Variants in MVB12B observed in about 807,000 individuals in gnomAD.
MVB12B encodes the protein ESCRT-I complex subunit MVB12B.
In MVB12B, 16 loss-of-function variants were observed where a neutral mutation model predicts 41.6. The observed-to-expected ratio is 0.38, with a 90% CI of 0.26 to 0.58. MVB12B has a LOEUF of 0.58. MVB12B is among the 20% of genes least tolerant of loss of function. The pLI is 0.62. For synonymous variants in MVB12B, 133 were observed against 139.7 expected (o/e 0.95, Z 0.34); for missense variants, 274 against 380.2 (o/e 0.72, Z 2.32).
rs138999709 is a variant in MVB12B, at chr9:126,392,124, G to A, written c.468G>A (p.Thr156=). 131 of 1,614,198 alleles carry A rather than the reference G, an allele frequency of 8.1e-5. No homozygotes were observed. The African/African-American group carries it at 1.5e-3, about 18-fold the overall frequency. ...LCIKFIPRDS[T]EAAICDIRIM... is the part of the protein sequence containing the mutation. ...TTAAATTTATTCCACGGGATTCAAC[G>A]GAAGCTGCGATTTGTGACATTCGGA... The change falls in exon 5 of 10, where the codon ACG becomes ACA. Residue 156 remains threonine (T), a synonymous_variant. Transcript: ENST00000361171. This position sits in a 1 kb window ranked among gnomAD's most constrained non-coding sequence, Gnocchi z 4.8.
chr9:126,383,943 G>T (rs1830702005), intron 3 of MVB12B, among the ~76,000 whole-genome samples: 1 of 151,616 alleles, frequency 6.6e-6, no homozygotes, highest in African/African-American at 2.4e-5. Flanking sequence ...TCACTAAGTG[G>T]TTTGCAGTTG....
rs547223890 is a variant in MVB12B at position 126,399,714 on chromosome 9, C to T, written c.662+4017C>T. Among the ~76,000 whole-genome samples the T allele has an allele frequency of 5.3e-5, 8 of 152,270 alleles. No individual in the cohort carries two copies. The South Asian group carries it at 1.5e-3, about 28-fold the overall frequency. On this transcript the variant is annotated intron_variant, in intron 6 of 9. Transcript: ENST00000361171. ...GTGTGATAAGGGAATGGCTCTGTGT[C>T]GACCCAGGAGGAGTCCCCTGGTGGG...
At chr9:126,415,612 G>C (rs1831795320) in intron 6 of MVB12B, among the ~76,000 whole-genome samples, 1 of 152,200 alleles carries the variant, frequency 6.6e-6, no homozygotes, top group Non-Finnish European at 1.5e-5. Context: ...GGAGAGAAGA[G>C]ACAAGGCTTC....
At chr9:126,466,509 A>G (rs1250280601) in intron 7 of MVB12B, among the ~76,000 whole-genome samples, 1 of 152,228 alleles carries the variant, frequency 6.6e-6, no homozygotes, top group Non-Finnish European at 1.5e-5. Context: ...GGGGGCACAC[A>G]TACGCGGATA....
rs1833521384 is a variant in MVB12B, at chr9:126,481,496, C to G, written c.813+72C>G. Reference sequence around the variant, plus strand: ...TGAGGTCCCTCCATCCTGATTTACACAGCACGCAGGGCTGTTCTGGCAGTA... The same window carrying G: ...TGAGGTCCCTCCATCCTGATTTACAGAGCACGCAGGGCTGTTCTGGCAGTA... On this transcript the variant is annotated intron_variant, in intron 8 of 9. Transcript: ENST00000361171. 8.8e-6 allele frequency: 10 copies of G among 1,136,564 alleles called. No individual in the cohort carries two copies. The East Asian group carries it at 2.3e-4, about 27-fold the overall frequency. 70.4% of individuals were successfully genotyped at this position (1,136,564 alleles called of 1,614,324 possible). A position where few individuals can be genotyped will look rare whatever the true frequency, so the allele number is the denominator to read the frequency against.
intron 7 of MVB12B, among the ~76,000 whole-genome samples, chr9:126,428,006 G>A (rs979551709): frequency 6.9e-6 from 1 of 145,100 alleles, no homozygotes; most frequent in African/African-American, 2.6e-5. Flanking sequence ...CCAGCTTATT[G>A]CCCTCCACAG....
intron 7 of MVB12B, among the ~76,000 whole-genome samples, chr9:126,440,596 C>T (rs1002241114): frequency 2.6e-5 from 4 of 152,108 alleles, no homozygotes; most frequent in African/African-American, 4.8e-5. Context: ...CCCTCACACG[C>T]GTGAAACAGT....
At chr9:126,446,656 G>T (rs1047849371) in intron 7 of MVB12B, among the ~76,000 whole-genome samples, 2 of 151,564 alleles carry the variant, frequency 1.3e-5, no homozygotes, top group African/African-American at 4.8e-5. Context: ...GTTTTATCAT[G>T]TGTATTTTTT....
At chr9:126,457,011 A>C (rs1832997569) in intron 7 of MVB12B, among the ~76,000 whole-genome samples, 1 of 152,004 alleles carries the variant, frequency 6.6e-6, no homozygotes, top group African/African-American at 2.4e-5. Flanking sequence ...CCAGATCTTC[A>C]GCTCTCACCA....
intron 9 of MVB12B, among the ~76,000 whole-genome samples, chr9:126,492,587 A>T (rs1441010510): frequency 2.6e-5 from 4 of 152,186 alleles, no homozygotes; most frequent in African/African-American, 7.2e-5. Context: ...CACGCCTGTA[A>T]TCCTCACACT....
intron 9 of MVB12B, among the ~76,000 whole-genome samples, chr9:126,496,062 G>T (rs1460434469): frequency 6.6e-6 from 1 of 152,102 alleles, no homozygotes; most frequent in African/African-American, 2.4e-5. Flanking sequence ...CTGCTACAAG[G>T]ACTAGAAACC....
At position 126,389,226 on chromosome 9, in the gene MVB12B, G is replaced by A. The variant is rs781572725; in HGVS notation, c.409+2568G>A. On this transcript the variant is annotated intron_variant, in intron 4 of 9. Transcript: ENST00000361171. This position sits in a 1 kb window ranked among gnomAD's most constrained non-coding sequence, Gnocchi z 4.4. ...GCAGCAGGGGGTCTCTTCATTTCTG[G>A]TTCTAGCAACATTTCCTGGAGCTTT... Among the ~76,000 whole-genome samples the A allele has an allele frequency of 7.9e-5, 12 of 152,042 alleles. No homozygotes were observed. Among genetic ancestry groups the A allele is most frequent in the Non-Finnish European group, 1.5e-4 (10 of 67,948 alleles).
rs748623457 is a variant in MVB12B, at chr9:126,486,173, A to G, written c.873+2141A>G. Reference sequence around the variant, plus strand: ...ATAAAAACCAACCTGATTGTCATATATAGATTTTTTTTTCTTTTTTTGATA... The same window carrying G: ...ATAAAAACCAACCTGATTGTCATATGTAGATTTTTTTTTCTTTTTTTGATA... On this transcript the variant is annotated intron_variant, in intron 9 of 9. Transcript: ENST00000361171. The surrounding 1 kb of genome is among the most constrained non-coding windows in gnomAD (Gnocchi z 4.7). Among the ~76,000 whole-genome samples the G allele has an allele frequency of 6.6e-6, 1 of 152,108 alleles. No individual in the cohort carries two copies. The highest frequency in any genetic ancestry group is 1.5e-5 in the Non-Finnish European group (1 of 68,032).
At chr9:126,460,087 G>T (rs953594111) in intron 7 of MVB12B, among the ~76,000 whole-genome samples, 1 of 152,078 alleles carries the variant, frequency 6.6e-6, no homozygotes, top group Non-Finnish European at 1.5e-5. Context: ...GGGGCCCCTA[G>T]GGGTCCCCAA....
intron 7 of MVB12B, among the ~76,000 whole-genome samples, chr9:126,433,389 G>C (rs999608007): frequency 1.0e-4 from 15 of 147,610 alleles, no homozygotes; most frequent in African/African-American, 3.8e-4. Context: ...GGCTGCACTA[G>C]CCTTGCTGCT....
intron 1 of MVB12B, among the ~76,000 whole-genome samples, chr9:126,334,282 C>T (rs1829218620): frequency 6.6e-6 from 1 of 152,116 alleles, no homozygotes; most frequent in African/African-American, 2.4e-5. Context: ...ATTCCTGAGC[C>T]ATGTGGGCAA....
chr9:126,427,252 T>C (rs761383115), intron 7 of MVB12B, among the ~76,000 whole-genome samples: 1 of 152,192 alleles, frequency 6.6e-6, no homozygotes, highest in Non-Finnish European at 1.5e-5. Context: ...TTGTTTGAAA[T>C]GAATCTAAAA....
chr9:126,455,914 G>A (rs1483909460), intron 7 of MVB12B, among the ~76,000 whole-genome samples: 4 of 119,954 alleles, frequency 3.3e-5, no homozygotes, highest in African/African-American at 6.7e-5. Context: ...TTTTTGAGAC[G>A]GAGTCTTGCT....
chr9:126,477,234 C>T (rs572822800), intron 7 of MVB12B, among the ~76,000 whole-genome samples: 2 of 152,262 alleles, frequency 1.3e-5, no homozygotes, highest in South Asian at 4.1e-4. Flanking sequence ...CACTCACTAC[C>T]GTGAGAACAG....
Sources: gnomAD v4.1 joint callset for allele counts (sites outside exome capture counted in the v4.1 genomes callset) on GRCh38, gnomAD v4.1.1 for gene constraint, Gnocchi (gnomAD v3.1) non-coding constraint, MANE v1.5 for transcripts, NCBI Gene and HGNC (gene_info 2026-07-23, HGNC 2026-07-21) for gene names.